The following SYNPR variants were observed in gnomAD, a reference collection of about 807,000 sequenced individuals.
SYNPR encodes the protein synaptoporin.
SYNPR carries 23 observed loss-of-function variants against 32.9 expected under a neutral mutation model. The observed-to-expected ratio is 0.70, with a 90% CI of 0.50 to 0.99. The LOEUF is 0.99. Among genes scored for constraint, SYNPR ranks in the 50% least tolerant of loss-of-function variants. SYNPR has a pLI of 0.00. For missense variants in SYNPR, 318 were observed against 349.3 expected (o/e 0.91, Z 0.71); for synonymous variants, 146 against 135.9 (o/e 1.07, Z -0.52).
At chr3:63,257,809 G>A (rs2106896668) in intron 2 of SYNPR, among the ~76,000 whole-genome samples, 1 of 152,270 alleles carries the variant, frequency 6.6e-6, no homozygotes, top group South Asian at 2.1e-4. Context: ...TCAGTGTGCT[G>A]TATTCAGAAA....
At chr3:63,256,538 G>A (rs1166746842) in intron 2 of SYNPR, among the ~76,000 whole-genome samples, 1 of 152,178 alleles carries the variant, frequency 6.6e-6, no homozygotes, top group African/African-American at 2.4e-5. Context: ...CTAACAAACA[G>A]AAAGGACATC....
chr3:63,235,208 A>T (rs1235533065), intron 1 of SYNPR, among the ~76,000 whole-genome samples: 1 of 152,086 alleles, frequency 6.6e-6, no homozygotes, highest in African/African-American at 2.4e-5. Flanking sequence ...AGGATCTTTC[A>T]TATTTCCTGT....
At chr3:63,603,790 T>C (rs1374775120) in intron 4 of SYNPR, among the ~76,000 whole-genome samples, 1 of 152,202 alleles carries the variant, frequency 6.6e-6, no homozygotes, top group Non-Finnish European at 1.5e-5. Flanking sequence ...ATCAAGGATA[T>C]TGGCCTGATG....
intron 2 of SYNPR, among the ~76,000 whole-genome samples, chr3:63,297,486 C>T (rs2086800993): frequency 6.6e-6 from 1 of 152,072 alleles, no homozygotes; most frequent in Admixed American, 6.6e-5. Flanking sequence ...CAGTATATCC[C>T]ATAAAAATAG....
chr3:63,495,445 G>A (rs1216021237), intron 3 of SYNPR, among the ~76,000 whole-genome samples: 1 of 152,192 alleles, frequency 6.6e-6, no homozygotes, highest in East Asian at 1.9e-4. Context: ...AGAAGTAAGT[G>A]TAAAGTGCAG....
upstream of SYNPR, among the ~76,000 whole-genome samples, chr3:63,277,202 A>C (rs946732183): frequency 5.3e-5 from 8 of 152,138 alleles, no homozygotes; most frequent in Middle Eastern, 3.2e-3. Context: ...GCAGGCCACT[A>C]TCCTTCCATG....
chr3:63,336,403 C>T (rs929302624), intron 2 of SYNPR, among the ~76,000 whole-genome samples: 5 of 151,270 alleles, frequency 3.3e-5, no homozygotes, highest in South Asian at 2.1e-4. Context: ...TAGTTACAAA[C>T]GTGCACTATT....
chr3:63,413,879 A>G (rs192181082), intron 2 of SYNPR, among the ~76,000 whole-genome samples: 363 of 152,216 alleles, frequency 2.4e-3, no homozygotes, highest in Non-Finnish European at 2.9e-3. Flanking sequence ...AAAAAAAATG[A>G]TATTTTAGAA....
intron 2 of SYNPR, among the ~76,000 whole-genome samples, chr3:63,306,479 C>G (rs1347653824): frequency 6.6e-6 from 1 of 151,744 alleles, no homozygotes; most frequent in Non-Finnish European, 1.5e-5. Context: ...ACTGACAGAT[C>G]CCTAGGAATT....
rs79301246 is a variant in SYNPR, at chr3:63,460,616, C to T, written c.85-20216C>T. Among the ~76,000 whole-genome samples the T allele has an allele frequency of 1.0e-2, 1,393 of 139,328 alleles. 23 individuals carry two copies. Among genetic ancestry groups the T allele is most frequent in the African/African-American group, 0.035 (1,285 of 36,408 alleles). 91.4% of individuals were successfully genotyped at this position (139,328 alleles called of 152,430 possible). On this transcript the variant is annotated intron_variant, in intron 2 of 5. Coordinates refer to ENST00000478300, the MANE Select transcript of SYNPR (RefSeq NM_001130003.2). ...AAAAAGCCAAGATTGGTTTGTAAGGCAATATTGCAAGTAATTTGCTATTTG... is the reference window on the plus strand; with the variant it reads ...AAAAAGCCAAGATTGGTTTGTAAGGTAATATTGCAAGTAATTTGCTATTTG...
At chr3:63,457,138 C>A (rs1383343600) in intron 2 of SYNPR, among the ~76,000 whole-genome samples, 1 of 151,948 alleles carries the variant, frequency 6.6e-6, no homozygotes, top group Non-Finnish European at 1.5e-5. Context: ...AAGTACCTCT[C>A]GGGAAGTTAT....
intron 2 of SYNPR, among the ~76,000 whole-genome samples, chr3:63,307,256 C>A (rs1318636435): frequency 6.6e-6 from 1 of 152,034 alleles, no homozygotes; most frequent in East Asian, 1.9e-4. Context: ...AGCCAGGACT[C>A]AAACTCAGGC....
At chr3:63,551,811 A>G (rs1236615526) in intron 3 of SYNPR, among the ~76,000 whole-genome samples, 1 of 152,138 alleles carries the variant, frequency 6.6e-6, no homozygotes, top group African/African-American at 2.4e-5. Flanking sequence ...TTTAAGTTCA[A>G]CATGGACAGG....
intron 2 of SYNPR, among the ~76,000 whole-genome samples, chr3:63,415,609 C>G (rs2088529867): frequency 6.6e-6 from 1 of 152,138 alleles, no homozygotes; most frequent in African/African-American, 2.4e-5. Context: ...AATATGTAAC[C>G]AAATCAACGC....
intron 3 of SYNPR, among the ~76,000 whole-genome samples, chr3:63,483,197 G>A (rs1035665552): frequency 1.3e-5 from 2 of 152,180 alleles, no homozygotes; most frequent in African/African-American, 4.8e-5. Context: ...GTGCACTGCA[G>A]TGTTGTTAAT....
chr3:63,221,773 T>C, the SYNPR span, among the ~76,000 whole-genome samples: 1 of 152,168 alleles, frequency 6.6e-6, no homozygotes, highest in Non-Finnish European at 1.5e-5. Flanking sequence ...TCTAGCTGTA[T>C]AACCTCAGGA....
intron 2 of SYNPR, among the ~76,000 whole-genome samples, chr3:63,258,816 A>C (rs1328298167): frequency 6.6e-6 from 1 of 152,256 alleles, no homozygotes; most frequent in Non-Finnish European, 1.5e-5. Context: ...CAAAATTGAT[A>C]GACCGCTAGC....
chr3:63,263,092 A>C (rs1306821697), intron 2 of SYNPR, among the ~76,000 whole-genome samples: 1 of 152,214 alleles, frequency 6.6e-6, no homozygotes, highest in Non-Finnish European at 1.5e-5. Context: ...GGGCAGCCTT[A>C]CATAGCTGCA....
At chr3:63,544,616 G>A (rs1702367561) in intron 3 of SYNPR, among the ~76,000 whole-genome samples, 1 of 152,036 alleles carries the variant, frequency 6.6e-6, no homozygotes, top group Non-Finnish European at 1.5e-5. Context: ...AGCAATAACA[G>A]AAAATGACCA....
Sources: gnomAD v4.1 joint callset for allele counts (sites outside exome capture counted in the v4.1 genomes callset) on GRCh38, gnomAD v4.1.1 for gene constraint, MANE v1.5 for transcripts, NCBI Gene and HGNC (gene_info 2026-07-23, HGNC 2026-07-21) for gene names.